Variants in NEIL3 observed in about 807,000 individuals in gnomAD.
NEIL3 encodes the protein nei like DNA glycosylase 3.
A neutral mutation model predicts 57.5 loss-of-function variants in NEIL3; 48 were observed. That is an observed-to-expected ratio of 0.83 (90% CI 0.66 to 1.06). The LOEUF (loss-of-function observed/expected upper bound fraction) is 1.06, where lower values mean the gene tolerates loss of function less well. Ranked by LOEUF, NEIL3 falls within the 50% of genes least tolerant of loss-of-function variation. The pLI, the probability that NEIL3 is intolerant of heterozygous loss-of-function variation, is 0.00. For synonymous variants in NEIL3, 261 were observed against 253.2 expected (o/e 1.03, Z -0.29); for missense variants, 717 against 739.1 (o/e 0.97, Z 0.35).
In NEIL3 at chr4:177,336,289, C is replaced by G. The variant is rs116410768; in HGVS notation, c.595C>G (p.Leu199Val). 577 of 1,614,132 alleles carry G rather than the reference C, an allele frequency of 3.6e-4. 4 individuals are homozygous for G. The East Asian group carries it at 7.4e-3, about 21-fold the overall frequency. The part of the protein sequence containing the change: ...GVGNIIKNEA[L>V]FDSGLHPAVK... Reference sequence around the variant, plus strand: ...AGGGAACATCATCAAAAATGAAGCTCTCTTTGACAGTGGTCTCCACCCAGC... The same window carrying G: ...AGGGAACATCATCAAAAATGAAGCTGTCTTTGACAGTGGTCTCCACCCAGC... The change falls in exon 4 of 10, where the codon CTC becomes GTC. Residue 199 changes from leucine (L) to valine (V), a missense_variant. By Grantham distance (32) the Leu-to-Val change is conservative. Coordinates refer to ENST00000264596, the MANE Select transcript of NEIL3 (RefSeq NM_018248.3).
intron 9 of NEIL3, among the ~76,000 whole-genome samples, 182 bp downstream of exon 9, chr4:177,360,859 A>C (rs1380965249): frequency 1.3e-5 from 2 of 152,228 alleles, no homozygotes; most frequent in Non-Finnish European, 2.9e-5. Context: ...AGCCACAAGA[A>C]ATTTAATAAA....
At chr4:177,318,979 G>A (rs898236694) in intron 1 of NEIL3, among the ~76,000 whole-genome samples, 4 of 152,196 alleles carry the variant, frequency 2.6e-5, no homozygotes, top group African/African-American at 9.7e-5. Flanking sequence ...TTAATGGGGA[G>A]GAGGATCATC....
intron 6 of NEIL3, among the ~76,000 whole-genome samples, chr4:177,342,235 G>C (rs1735110030): frequency 6.6e-6 from 1 of 152,170 alleles, no homozygotes; most frequent in Non-Finnish European, 1.5e-5. Flanking sequence ...TTGTCTCCTG[G>C]AATTAGTGTC....
chr4:177,315,339 ATAT>A (rs1299857504), intron 1 of NEIL3, among the ~76,000 whole-genome samples: 3 of 152,224 alleles, frequency 2.0e-5, no homozygotes, highest in African/African-American at 7.2e-5. Context: ...TGAAGATTTC[ATAT>A]TATTAAGCCA....
downstream of NEIL3, among the ~76,000 whole-genome samples, chr4:177,367,827 C>T (rs1322423611): frequency 9.9e-5 from 15 of 152,204 alleles, 1 homozygote; most frequent in Admixed American, 9.8e-4. Flanking sequence ...TTGAACCTTT[C>T]TTTGCAACAG....
intron 6 of NEIL3, among the ~76,000 whole-genome samples, chr4:177,342,665 TA>T (rs3215158): frequency 6.6e-6 from 1 of 151,948 alleles, no homozygotes; most frequent in African/African-American, 2.4e-5. Context: ...TGACTAGACT[TA>T]AAAAAAGTAT....
intron 4 of NEIL3, among the ~76,000 whole-genome samples, chr4:177,337,140 G>C (rs1312612042): frequency 6.6e-6 from 1 of 151,656 alleles, no homozygotes; most frequent in African/African-American, 2.4e-5. Context: ...TTGTAGAAAA[G>C]GGAATGGTGA....
the NEIL3 span, among the ~76,000 whole-genome samples, chr4:177,368,466 A>G: frequency 1.3e-5 from 2 of 152,156 alleles, no homozygotes; most frequent in African/African-American, 4.8e-5. Flanking sequence ...TACAGCACTG[A>G]TATCTTTTCT....
intron 1 of NEIL3, among the ~76,000 whole-genome samples, chr4:177,318,184 A>T (rs1734609990): frequency 6.6e-6 from 1 of 152,194 alleles, no homozygotes; most frequent in Non-Finnish European, 1.5e-5. Context: ...TCTGGTAGAA[A>T]TCAGGATGGC....
chr4:177,326,140 A>G (rs757380219), intron 2 of NEIL3, among the ~76,000 whole-genome samples: 17 of 151,834 alleles, frequency 1.1e-4, no homozygotes, highest in Non-Finnish European at 2.2e-4. Flanking sequence ...ATTAATCAAC[A>G]TTTCCTTGTT....
At chr4:177,335,646 A>T (rs188315493) in intron 2 of NEIL3, 42 bp from the exon 3 acceptor site, 3 of 1,586,548 alleles carry the variant, frequency 1.9e-6, no homozygotes, top group African/African-American at 2.7e-5. Context: ...TTGATAAATG[A>T]TATACTTTCT....
At chr4:177,312,738 T>G (rs1234856285) in intron 1 of NEIL3, among the ~76,000 whole-genome samples, 2 of 152,182 alleles carry the variant, frequency 1.3e-5, no homozygotes, top group African/African-American at 4.8e-5. Flanking sequence ...GTCTTTGTGG[T>G]TAGTATCAGG....
chr4:177,365,539 T>C (rs1579013403), downstream of NEIL3, among the ~76,000 whole-genome samples: 1 of 152,104 alleles, frequency 6.6e-6, no homozygotes, highest in East Asian at 1.9e-4. Context: ...CTCCAAAATT[T>C]GGGTGACTAA....
intron 1 of NEIL3, 152 bp downstream of exon 1, chr4:177,310,261 T>C: frequency 5.2e-6 from 5 of 957,494 alleles, no homozygotes; most frequent in Non-Finnish European, 7.3e-6. Flanking sequence ...CACTTTACTG[T>C]AGGGAGAAGT....
chr4:177,365,402 T>C (rs1221953051), downstream of NEIL3, among the ~76,000 whole-genome samples: 1 of 152,216 alleles, frequency 6.6e-6, no homozygotes, highest in Non-Finnish European at 1.5e-5. Flanking sequence ...ATGTGAATTA[T>C]AGGACAATAA....
At chr4:177,342,008 T>G (rs1406000058) in intron 6 of NEIL3, among the ~76,000 whole-genome samples, 3 of 152,338 alleles carry the variant, frequency 2.0e-5, no homozygotes, top group African/African-American at 7.2e-5. Flanking sequence ...AAGCAAGATC[T>G]TTTTACAGAT....
At chr4:177,330,640 TCAATG>T (rs1349019512) in intron 2 of NEIL3, among the ~76,000 whole-genome samples, 2 of 152,148 alleles carry the variant, frequency 1.3e-5, no homozygotes, top group Non-Finnish European at 2.9e-5. Flanking sequence ...AACTTTTAGC[TCAATG>T]CAGTCCAATA....
At chr4:177,351,169 G>A (rs10031139) in intron 6 of NEIL3, among the ~76,000 whole-genome samples, 33,838 of 131,330 alleles carry the variant, frequency 0.26, 5,822 homozygotes, top group African/African-American at 0.49. Context: ...GTGCCACTAC[G>A]CTGCAACCTG....
chr4:177,347,029 A>G (rs906073197), intron 6 of NEIL3, among the ~76,000 whole-genome samples: 9 of 151,754 alleles, frequency 5.9e-5, no homozygotes, highest in Non-Finnish European at 1.3e-4. Flanking sequence ...AAAAGAAAAA[A>G]CCTATCTATA....
Sources: gnomAD v4.1 joint callset for allele counts (sites outside exome capture counted in the v4.1 genomes callset) on GRCh38, gnomAD v4.1.1 for gene constraint, MANE v1.5 for transcripts, NCBI Gene and HGNC (gene_info 2026-07-23, HGNC 2026-07-21) for gene names.